Variants in INSL6 observed in about 807,000 individuals in gnomAD.
The protein encoded by INSL6 is insulin like 6.
INSL6 carries 16 observed loss-of-function variants against 9.4 expected under a neutral mutation model. The observed-to-expected ratio is 1.70, with a 90% confidence interval of 1.15 to 2.59. The LOEUF (loss-of-function observed/expected upper bound fraction) is 2.59. INSL6 is among the 30% of genes most tolerant of loss of function. The pLI is 0.00. For synonymous variants in INSL6, 154 were observed against 96.9 expected, an observed-to-expected ratio of 1.59 and a Z score of -3.46; for missense variants, 391 against 257.3, an observed-to-expected ratio of 1.52 and a Z score of -3.56.
At chr9:5,112,530 C>G in the INSL6 span, 1 of 587,484 alleles carries the variant, frequency 1.7e-6, no homozygotes, top group South Asian at 2.3e-5. Flanking sequence ...AGCAGAAGGC[C>G]GAGTGGGAGA....
At chr9:5,081,809 A>T in the INSL6 span, 3 of 1,613,338 alleles carry the variant, frequency 1.9e-6, no homozygotes, top group Non-Finnish European at 2.5e-6. Context: ...GAAGACCGGG[A>T]TCCTACACAG....
chr9:5,060,970 T>C, the INSL6 span, among the ~76,000 whole-genome samples: 2 of 152,232 alleles, frequency 1.3e-5, no homozygotes, highest in Non-Finnish European at 2.9e-5. Context: ...TGAATATCCT[T>C]GTACATCTCT....
the INSL6 span, chr9:5,081,682 G>A: frequency 7.0e-7 from 1 of 1,429,920 alleles, no homozygotes; most frequent in Non-Finnish European, 9.8e-7. Flanking sequence ...TCCAGAGAAT[G>A]TTATTTGCTA....
intron 2 of INSL6, among the ~76,000 whole-genome samples, chr9:5,154,376 G>C (rs1824775515): frequency 6.6e-6 from 1 of 152,232 alleles, no homozygotes; most frequent in South Asian, 2.1e-4. Context: ...AACTGTAGAA[G>C]AAAACCTAGG....
chr9:5,045,944 T>G, the INSL6 span, among the ~76,000 whole-genome samples: 2 of 152,308 alleles, frequency 1.3e-5, no homozygotes, highest in Non-Finnish European at 2.9e-5. Context: ...ATTTATAATT[T>G]TTTTTGAGGA....
At chr9:5,168,097 T>C (rs1183011875) in intron 1 of INSL6, among the ~76,000 whole-genome samples, 2 of 152,140 alleles carry the variant, frequency 1.3e-5, no homozygotes, top group Admixed American at 6.5e-5. Flanking sequence ...AGATCAAAGG[T>C]TGATAAACCC....
intron 1 of INSL6, among the ~76,000 whole-genome samples, chr9:5,178,317 G>A (rs751005587): frequency 9.2e-5 from 14 of 152,032 alleles, no homozygotes; most frequent in African/African-American, 2.4e-4. Flanking sequence ...AGGGGCTGCC[G>A]CCATCTCCAC....
At chr9:5,117,037 T>C in the INSL6 span, among the ~76,000 whole-genome samples, 4 of 152,210 alleles carry the variant, frequency 2.6e-5, no homozygotes, top group Non-Finnish European at 2.9e-5. Flanking sequence ...CATGCAGCAT[T>C]TGGCTCCTCT....
chr9:5,120,999 G>A (rs756955500), downstream of INSL6, among the ~76,000 whole-genome samples: 2 of 152,124 alleles, frequency 1.3e-5, no homozygotes, highest in Admixed American at 1.3e-4. Context: ...AAATTTGGGA[G>A]ACTTTAGTAT....
chr9:5,156,271 A>T (rs1824813445), intron 2 of INSL6, among the ~76,000 whole-genome samples: 1 of 152,250 alleles, frequency 6.6e-6, no homozygotes, highest in Non-Finnish European at 1.5e-5. Flanking sequence ...GCAAGAAATA[A>T]ATCATATAAT....
the INSL6 span, chr9:5,091,206 G>A: frequency 4.7e-6 from 1 of 211,934 alleles, no homozygotes. Flanking sequence ...GTGGTGCTGT[G>A]GGTTGTGGTA....
chr9:5,040,804 C>T, the INSL6 span: 2 of 206,154 alleles, frequency 9.7e-6, no homozygotes, highest in South Asian at 6.0e-5. Flanking sequence ...CCAGGCGGTG[C>T]AGGAGCTGGA....
the INSL6 span, chr9:5,055,571 T>A: frequency 1.0e-6 from 1 of 962,208 alleles, no homozygotes; most frequent in Non-Finnish European, 1.5e-6. Flanking sequence ...CCTTTTTTAT[T>A]TTAAAGAATT....
At chr9:5,156,730 TA>T (rs937056317) in intron 2 of INSL6, among the ~76,000 whole-genome samples, 1 of 151,838 alleles carries the variant, frequency 6.6e-6, no homozygotes, top group Admixed American at 6.6e-5. Context: ...AAAGAAAAAA[TA>T]AAAGTCTCTA....
At chr9:5,003,939 A>G in the INSL6 span, among the ~76,000 whole-genome samples, 4 of 152,238 alleles carry the variant, frequency 2.6e-5, no homozygotes, top group South Asian at 6.2e-4. Flanking sequence ...TTCTGCATCT[A>G]TTGAAATGAT....
At chr9:5,162,460 A>G (rs1427195523), downstream of INSL6, among the ~76,000 whole-genome samples, 1 of 152,228 alleles carries the variant, frequency 6.6e-6, no homozygotes, top group African/African-American at 2.4e-5. Flanking sequence ...TGTTGTGTGT[A>G]TATAAGTAAG....
chr9:5,035,968 A>C, the INSL6 span, among the ~76,000 whole-genome samples: 1 of 152,180 alleles, frequency 6.6e-6, no homozygotes, highest in Non-Finnish European at 1.5e-5. Flanking sequence ...ACATGATTGT[A>C]TATCTGGAAA....
the INSL6 span, chr9:5,112,659 T>C: frequency 1.0e-6 from 1 of 972,230 alleles, no homozygotes; most frequent in Non-Finnish European, 1.4e-6. Context: ...AAACTCCTTA[T>C]CCTGCACCAG....
intron 1 of INSL6, among the ~76,000 whole-genome samples, chr9:5,176,423 C>A (rs1278124969): frequency 1.3e-5 from 2 of 152,144 alleles, no homozygotes; most frequent in African/African-American, 4.8e-5. Flanking sequence ...AGCCTTTGAT[C>A]TTTGTCTGTT....
Sources: gnomAD v4.1 joint callset for allele counts (sites outside exome capture counted in the v4.1 genomes callset) on GRCh38, gnomAD v4.1.1 for gene constraint, MANE v1.5 for transcripts, NCBI Gene and HGNC (gene_info 2026-07-23, HGNC 2026-07-21) for gene names.